NLRP5: variants seen among roughly 807,000 people sequenced by gnomAD.
NLRP5 encodes NLR family pyrin domain containing 5.
NLRP5 carries 93 observed loss-of-function variants against 113.1 expected under a neutral mutation model. The observed-to-expected ratio is 0.82, with a 90% CI of 0.70 to 0.98. The LOEUF is 0.98. NLRP5 is among the 50% of genes least tolerant of loss of function. The pLI is 0.00. For missense variants in NLRP5, 1,808 were observed against 1,514.3 expected, an observed-to-expected ratio of 1.19 and a Z score of -3.22; for synonymous variants, 751 against 600.7, an observed-to-expected ratio of 1.25 and a Z score of -3.66.
At chr19:56,048,979 A>AAATTTTTTTTTTTTTTTTTTTT (rs1555770466) in intron 11 of NLRP5, among the ~76,000 whole-genome samples, 1 of 94,976 alleles carries the variant, frequency 1.1e-5, no homozygotes, top group African/African-American at 4.4e-5. Flanking sequence ...TTTTTTTTTA[A>AAATTTTTTTTTTTTTTTTTTTT]TTTTTTTTTT....
chr19:56,040,458 C>T (rs1207435425), intron 10 of NLRP5, among the ~76,000 whole-genome samples: 2 of 152,126 alleles, frequency 1.3e-5, no homozygotes, highest in Non-Finnish European at 2.9e-5. Flanking sequence ...ATCCCAGCTA[C>T]TCAGGAGGCT....
At chr19:56,044,564 C>T (rs1983651483) in intron 11 of NLRP5, among the ~76,000 whole-genome samples, 2 of 152,292 alleles carry the variant, frequency 1.3e-5, no homozygotes, top group Middle Eastern at 3.4e-3. Context: ...TATTCTGTTT[C>T]GTTGGTCTAT....
Position 56,040,058 on chromosome 19 carries a change from C to T in NLRP5, c.2787-864C>T, listed in dbSNP as rs370781920. Among the ~76,000 whole-genome samples, 5 of 152,156 alleles carry T rather than the reference C, an allele frequency of 3.3e-5. No individual in the cohort carries two copies. The East Asian group carries it at 5.8e-4, about 18-fold the overall frequency. ...CTCTACCTCCCAGGCTCCAGGGATCCTCCTGCCTCAGCTTCCCAAGTAGCT... is the reference window on the plus strand; with the variant it reads ...CTCTACCTCCCAGGCTCCAGGGATCTTCCTGCCTCAGCTTCCCAAGTAGCT... On this transcript the variant is annotated intron_variant, in intron 10 of 14. Transcript: ENST00000390649.
intron 13 of NLRP5, among the ~76,000 whole-genome samples, chr19:56,058,028 CAA>C (rs10659776): frequency 1.1e-3 from 129 of 115,590 alleles, no homozygotes; most frequent in African/African-American, 2.6e-3. Flanking sequence ...AATGCTATCT[CAA>C]AAAAAAAAAA....
chr19:56,038,679 C>T (rs1372916861), intron 10 of NLRP5, among the ~76,000 whole-genome samples: 4 of 152,126 alleles, frequency 2.6e-5, no homozygotes, highest in African/African-American at 9.7e-5. Flanking sequence ...ACCCAAAATC[C>T]CAATCCCACC....
chr19:55,990,532 A>G, the NLRP5 span, among the ~76,000 whole-genome samples: 1 of 151,998 alleles, frequency 6.6e-6, no homozygotes, highest in Non-Finnish European at 1.5e-5. Flanking sequence ...GTCTACTAAA[A>G]ATACAAAAAT....
intron 5 of NLRP5, 60 bp downstream of exon 5, chr19:56,019,458 T>C: frequency 3.3e-6 from 5 of 1,528,396 alleles, no homozygotes; most frequent in Non-Finnish European, 4.5e-6. Flanking sequence ...GTGAAAGAAG[T>C]GTAAGTAGTT....
chr19:56,031,455 C>A (rs1242665748), intron 7 of NLRP5, among the ~76,000 whole-genome samples: 1 of 151,784 alleles, frequency 6.6e-6, no homozygotes. Flanking sequence ...ATGGTGAAAC[C>A]CCATCTCTAC....
chr19:56,042,959 T>A (rs1377128089), intron 11 of NLRP5, among the ~76,000 whole-genome samples: 1 of 142,362 alleles, frequency 7.0e-6, no homozygotes, highest in Non-Finnish European at 1.6e-5. Flanking sequence ...TAGTATTCCA[T>A]CATATATGTA....
chr19:55,990,079 C>CTTTTT, the NLRP5 span, among the ~76,000 whole-genome samples: 25 of 95,908 alleles, frequency 2.6e-4, no homozygotes, highest in Middle Eastern at 7.5e-3. Flanking sequence ...TTTCTTTTTT[C>CTTTTT]TTTTTTTTTT....
chr19:56,004,738 A>G (rs1599876756), intron 2 of NLRP5, among the ~76,000 whole-genome samples: 1 of 151,944 alleles, frequency 6.6e-6, no homozygotes, highest in South Asian at 2.1e-4. Context: ...TTATCTAGAG[A>G]ATCTCTCCAA....
upstream of NLRP5, among the ~76,000 whole-genome samples, chr19:55,995,551 C>T (rs1981297532): frequency 6.6e-6 from 1 of 152,092 alleles, no homozygotes; most frequent in Admixed American, 6.6e-5. Context: ...TCTTTTTGCT[C>T]AAAATTGTTT....
At chr19:56,034,317 C>T (rs943893831) in intron 9 of NLRP5, among the ~76,000 whole-genome samples, 30 of 152,256 alleles carry the variant, frequency 2.0e-4, no homozygotes, top group South Asian at 2.1e-4. Context: ...ACCCGGCAGG[C>T]GGAGGTTGCA....
chr19:56,039,948 G>A (rs1299780002), intron 10 of NLRP5, among the ~76,000 whole-genome samples: 2 of 151,800 alleles, frequency 1.3e-5, no homozygotes, highest in Non-Finnish European at 2.9e-5. Context: ...TATGCCTAAG[G>A]GTCATGATGT....
At chr19:55,986,832 C>T in the NLRP5 span, among the ~76,000 whole-genome samples, 418 of 152,222 alleles carry the variant, frequency 2.7e-3, 5 homozygotes, top group African/African-American at 9.8e-3. Flanking sequence ...GTGAGTATTC[C>T]TCCTGTCTTG....
At chr19:56,022,362 G>A (rs189928686) in intron 6 of NLRP5, among the ~76,000 whole-genome samples, 13 of 151,992 alleles carry the variant, frequency 8.6e-5, no homozygotes, top group African/African-American at 2.4e-4. Flanking sequence ...TGGAAATTAG[G>A]CATATGCTAC....
chr19:56,020,734 G>T (rs1314668798), intron 6 of NLRP5, among the ~76,000 whole-genome samples: 1 of 150,944 alleles, frequency 6.6e-6, no homozygotes, highest in Non-Finnish European at 1.5e-5. Context: ...GCCAAGAGTA[G>T]TCAAATGCTG....
chr19:55,998,625 C>T (rs117108287), upstream of NLRP5, among the ~76,000 whole-genome samples: 2,607 of 144,284 alleles, frequency 0.018, 58 homozygotes, highest in Admixed American at 0.05. Context: ...TGTACTCCAG[C>T]CCGGGCGACA....
chr19:56,026,393 T>C (rs1410175034), intron 6 of NLRP5, among the ~76,000 whole-genome samples: 1 of 151,230 alleles, frequency 6.6e-6, no homozygotes, highest in African/African-American at 2.4e-5. Context: ...CTGGGCGTGG[T>C]GGCAGGCACC....
Sources: allele counts gnomAD v4.1 joint callset (sites outside exome capture counted in the v4.1 genomes callset), GRCh38; gene constraint gnomAD v4.1.1; transcripts MANE v1.5; gene names NCBI Gene and HGNC (gene_info 2026-07-23, HGNC 2026-07-21).